HELZ2: variants seen among roughly 807,000 people sequenced by gnomAD.
HELZ2 encodes the protein 3'-5' exoribonuclease HELZ2.
A neutral mutation model predicts 208.8 loss-of-function variants in HELZ2; 143 were observed. That is an observed-to-expected ratio of 0.68 (90% CI 0.60 to 0.79). HELZ2 has a LOEUF of 0.79. Among genes scored for constraint, HELZ2 ranks in the 30% least tolerant of loss-of-function variants. The probability of loss-of-function intolerance (pLI) is 0.00; values close to 1 mark genes in which losing one functional copy is unlikely to be tolerated. For missense variants in HELZ2, 3,690 were observed against 3,794.5 expected (o/e 0.97, Z 0.72); for synonymous variants, 1,705 against 1,693.7 (o/e 1.01, Z -0.16).
At chr20:63,565,962 C>T (rs1296158635) in exon 8 of HELZ2, 2 of 1,599,008 alleles carry the variant, frequency 1.3e-6, no homozygotes, top group Admixed American at 1.7e-5. Context: ...TGCGCCACAC[C>T]CTGCTCGACC....
intron 8 of HELZ2, 59 bp downstream of exon 9, chr20:63,562,461 G>A (rs1245305849): frequency 1.3e-6 from 2 of 1,518,598 alleles, no homozygotes; most frequent in Non-Finnish European, 1.8e-6. Flanking sequence ...CCCCCCTCCT[G>A]CAAGTGAGGG....
chr20:63,560,043 G>A (rs528405784), exon 18 of HELZ2: 218 of 1,610,786 alleles, frequency 1.4e-4, no homozygotes, highest in East Asian at 1.3e-3. Flanking sequence ...GGTCCAGGTC[G>A]CTCTTGGCAC....
At chr20:63,571,459 C>G (rs2083015359) in intron 1 of HELZ2, 1 of 214,234 alleles carries the variant, frequency 4.7e-6, no homozygotes, top group African/African-American at 2.6e-5. Context: ...CGGTGGGCTC[C>G]TGCCCTGCTC....
exon 8 of HELZ2, chr20:63,564,839 C>A (rs1222091607): frequency 6.2e-7 from 1 of 1,610,876 alleles, no homozygotes. Flanking sequence ...GGCAACCCGG[C>A]CAAGCTCCGT....
At chr20:63,563,164 C>A in exon 8 of HELZ2, 1 of 1,592,516 alleles carries the variant, frequency 6.3e-7, no homozygotes, top group Non-Finnish European at 8.5e-7. Context: ...TGGTGCCGAG[C>A]TGCACCTGCA....
At position 63,561,147 on chromosome 20, in the gene HELZ2, C is replaced by A; in HGVS notation, c.7081G>T (p.Glu2361Ter). The change falls in exon 14 of 19, where the codon GAG becomes TAG. Residue 2361 changes from glutamate (E) to a stop codon, truncating the protein, a stop_gained. Coordinates refer to ENST00000467148, the Ensembl canonical transcript of HELZ2. LOFTEE classifies it high-confidence loss of function. ...TCAGGTTCCGTGGCCATGCCTGCCTCGTCAACAAGGATCTGCCTCACGTCC... is the reference window on the plus strand; with the variant it reads ...TCAGGTTCCGTGGCCATGCCTGCCTAGTCAACAAGGATCTGCCTCACGTCC... 1.9e-6 allele frequency: 3 copies of A among 1,613,016 alleles called. No homozygotes were observed. Among genetic ancestry groups the A allele is most frequent in the Non-Finnish European group, 2.5e-6 (3 of 1,179,976 alleles).
chr20:63,564,040 C>T (rs774571583), exon 8 of HELZ2: 26 of 1,604,924 alleles, frequency 1.6e-5, no homozygotes, highest in Middle Eastern at 1.6e-4. Flanking sequence ...GGTGCAGCCG[C>T]GTGTCGGGGG....
chr20:63,560,812 C>T, exon 15 of HELZ2: 1 of 1,612,542 alleles, frequency 6.2e-7, no homozygotes, highest in Non-Finnish European at 8.5e-7. Context: ...TACTGAGTGT[C>T]CAGCATATGT....
At chr20:63,560,361 T>C in intron 16 of HELZ2, 34 bp from the exon 18 acceptor site, 1 of 1,562,572 alleles carries the variant, frequency 6.4e-7, no homozygotes, top group Non-Finnish European at 8.6e-7. Flanking sequence ...GAGCGGACCC[T>C]GGTGTCTCTC....
intron 5 of HELZ2, 161 bp downstream of exon 6, chr20:63,568,197 G>A (rs539623700): frequency 6.1e-5 from 39 of 638,442 alleles, no homozygotes; most frequent in South Asian, 8.0e-5. Context: ...GGCCACCCTC[G>A]GTGCCCTGAG....
intron 8 of HELZ2, 44 bp downstream of exon 9, chr20:63,562,476 G>C: frequency 6.5e-7 from 1 of 1,531,632 alleles, no homozygotes; most frequent in Non-Finnish European, 8.8e-7. Flanking sequence ...TGAGGGGCCC[G>C]GGGCGGTCCC....
At position 63,563,796 on chromosome 20, in the gene HELZ2, G is replaced by A. The variant is rs141999472; in HGVS notation, c.5026C>T (p.Arg1676Cys). 21 of 1,602,464 alleles carry A rather than the reference G, an allele frequency of 1.3e-5. No individual in the cohort carries two copies. Among genetic ancestry groups the A allele is most frequent in the South Asian group, 2.2e-5 (2 of 90,208 alleles). ...TGCAACACCACGTCCAGGTACCTGC[G>A]GATGGGCGAGGTGGCCCACGTGTAC... is the stretch of plus-strand genomic sequence containing the variant. The change falls in exon 8 of 19, where the codon CGC becomes TGC. Residue 1676 changes from arginine to cysteine, a missense_variant. Transcript: ENST00000467148.
chr20:63,560,137 C>T (rs1348402860), intron 17 of HELZ2, 34 bp downstream of exon 18: 1 of 1,550,356 alleles, frequency 6.5e-7, no homozygotes, highest in South Asian at 1.2e-5. Context: ...CTGCGCCCAC[C>T]CTCCCGGCCC....
exon 8 of HELZ2, chr20:63,564,550 G>T: frequency 6.4e-7 from 1 of 1,570,420 alleles, no homozygotes; most frequent in East Asian, 2.3e-5. Context: ...AGATGGCCAG[G>T]CGGTCCCGGC....
chr20:63,563,460 G>T (rs773872287), exon 8 of HELZ2: 1 of 1,522,928 alleles, frequency 6.6e-7, no homozygotes, highest in Admixed American at 2.0e-5. Context: ...AGGCCCGGCC[G>T]GCCTGCCAGG....
exon 4 of HELZ2, chr20:63,569,653 G>T: frequency 6.5e-7 from 1 of 1,533,320 alleles, no homozygotes. Flanking sequence ...AGGGCCACGT[G>T]TAGCAGGGGC....
At chr20:63,567,579 G>A (rs778735084) in exon 6 of HELZ2, 39 of 1,590,406 alleles carry the variant, frequency 2.5e-5, no homozygotes, top group South Asian at 1.0e-4. Context: ...CGGGGTGGCC[G>A]CCGCTGACGT....
In HELZ2 at chr20:63,560,707, A is replaced by G; in HGVS notation, c.7282-10T>C. On this transcript the variant is annotated splice_polypyrimidine_tract_variant and intron_variant, in intron 15 of 18. Transcript: ENST00000467148. ...CACAGATGCCCTCATGCTGCAGGCA[A>G]GGATGTGCGCTGGTCAGAGGCTGCC... The G allele has an allele frequency of 6.2e-7, 1 of 1,607,440 alleles. No individual in the cohort carries two copies. Among genetic ancestry groups the G allele is most frequent in the Non-Finnish European group, 8.5e-7 (1 of 1,179,522 alleles).
At chr20:63,566,700 C>A (rs966142364) in intron 6 of HELZ2, 144 bp downstream of exon 7, 15 of 840,826 alleles carry the variant, frequency 1.8e-5, no homozygotes, top group Non-Finnish European at 2.5e-5. Context: ...AGGGGCCGAG[C>A]CCCACCTCAG....
Sources: gnomAD v4.1 joint callset for allele counts on GRCh38, gnomAD v4.1.1 for gene constraint, MANE v1.5 for transcripts, NCBI Gene and HGNC (gene_info 2026-07-23, HGNC 2026-07-21) for gene names.